Variants in JAK2 observed in about 807,000 individuals in gnomAD.
JAK2 encodes the protein Janus kinase 2.
In JAK2, 86 loss-of-function variants were observed where a neutral mutation model predicts 139.3. The observed-to-expected ratio is 0.62, with a 90% CI of 0.52 to 0.74. The LOEUF is 0.74. Ranked by LOEUF, JAK2 falls within the 30% of genes least tolerant of loss-of-function variation. JAK2 has a pLI of 0.00. For missense variants in JAK2, 1,421 were observed against 1,360.3 expected (o/e 1.04, Z -0.70); for synonymous variants, 490 against 437.7 (o/e 1.12, Z -1.49).
intron 2 of JAK2, among the ~76,000 whole-genome samples, chr9:4,990,509 C>T (rs980246394): frequency 5.9e-5 from 9 of 151,752 alleles, no homozygotes; most frequent in African/African-American, 1.9e-4. Context: ...AATTTGTTAG[C>T]GAAGTTAAGG....
intron 22 of JAK2, chr9:5,110,841 TG>T (rs544949515): frequency 3.9e-5 from 18 of 460,924 alleles, no homozygotes; most frequent in South Asian, 5.4e-5. Flanking sequence ...TCGGGGAAGG[TG>T]GGGGGGACGC....
chr9:5,087,129 G>T (rs890918340), intron 19 of JAK2, among the ~76,000 whole-genome samples: 2 of 152,132 alleles, frequency 1.3e-5, no homozygotes, highest in East Asian at 1.9e-4. Context: ...GTATTAGTCT[G>T]TTCTCACGCT....
intron 22 of JAK2, among the ~76,000 whole-genome samples, chr9:5,117,427 C>A (rs1216938371): frequency 6.6e-6 from 1 of 152,124 alleles, no homozygotes; most frequent in Admixed American, 6.5e-5. Flanking sequence ...AGTGTGGGGA[C>A]TTTAGGGTGT....
chr9:5,069,941 A>G lies in JAK2; in HGVS notation c.1530A>G (p.Leu510=), dbSNP rs370960892. ...TTTTTTCAGATAAATCAAACCTTCT[A>G]GTCTTCAGAACGAATGGTGTTTCTG... ...PPKPKDKSNL[L]VFRTNGVSDV... Residue 510 remains leucine (L), a synonymous_variant, in exon 12 of 25, where the codon CTA becomes CTG. Coordinates refer to ENST00000381652, the MANE Select transcript of JAK2 (RefSeq NM_004972.4). 8.1e-6 allele frequency: 13 copies of G among 1,599,854 alleles called. No individual in the cohort carries two copies. The South Asian group carries it at 1.5e-4, about 18-fold the overall frequency.
rs117289645 is a variant in JAK2, at chr9:5,125,438, C to T, written c.3178-895C>T. 5.2e-3 allele frequency among the ~76,000 whole-genome samples: 784 copies of T among 151,440 alleles called. 3 individuals carry two copies. The highest frequency in any genetic ancestry group is 9.1e-3 in the Non-Finnish European group (615 of 67,460). On this transcript the variant is annotated intron_variant, in intron 23 of 24. Transcript: ENST00000381652. ...TATGTCTGAACAATCATTTTCCATT[C>T]TTCAGTCTTTTAAGTAACACTTCAG...
At chr9:5,071,891 T>C (rs1035189681) in intron 12 of JAK2, among the ~76,000 whole-genome samples, 1 of 152,232 alleles carries the variant, frequency 6.6e-6, no homozygotes, top group South Asian at 2.1e-4. Context: ...TGTAAAGATA[T>C]GCAAGAAATA....
At chr9:4,990,580 A>G (rs1028111271) in intron 2 of JAK2, among the ~76,000 whole-genome samples, 25 of 152,020 alleles carry the variant, frequency 1.6e-4, no homozygotes, top group African/African-American at 5.8e-4. Flanking sequence ...GGTGGGTGAA[A>G]GGAGAGGAAT....
intron 4 of JAK2, among the ~76,000 whole-genome samples, chr9:5,036,830 A>T (rs1432239400): frequency 6.6e-6 from 1 of 152,344 alleles, no homozygotes; most frequent in East Asian, 1.9e-4. Flanking sequence ...AAACACCAAA[A>T]GCAATGGCAA....
At position 5,077,423 on chromosome 9, in the gene JAK2, C is replaced by T. The variant is rs1006039016; in HGVS notation, c.1865-30C>T. 8 of 815,544 alleles carry T rather than the reference C, an allele frequency of 9.8e-6. No homozygotes were observed. The African/African-American group carries it at 1.3e-4, about 13-fold the overall frequency. 50.5% of individuals were successfully genotyped at this position (815,544 alleles called of 1,614,324 possible). On this transcript the variant is annotated intron_variant, in intron 14 of 24. Coordinates refer to ENST00000381652, the MANE Select transcript of JAK2 (RefSeq NM_004972.4). ...TATTTAATTATATTTATACTTAAGC[C>T]TTATTATTATTACTTATATTTTAAT...
At chr9:5,024,446 A>T (rs1349610084) in intron 3 of JAK2, among the ~76,000 whole-genome samples, 3 of 152,080 alleles carry the variant, frequency 2.0e-5, no homozygotes, top group Non-Finnish European at 4.4e-5. Flanking sequence ...GTGTTTACCC[A>T]GTCCATTTAC....
intron 13 of JAK2, among the ~76,000 whole-genome samples, chr9:5,073,176 G>A (rs1819085938): frequency 6.6e-6 from 1 of 152,218 alleles, no homozygotes; most frequent in Non-Finnish European, 1.5e-5. Context: ...TTCTAATCCA[G>A]AATACCACAG....
chr9:5,099,902 T>C (rs973528359), intron 22 of JAK2: 1 of 152,182 alleles, frequency 6.6e-6, no homozygotes, highest in African/African-American at 2.4e-5. Context: ...GTAATTACAG[T>C]CTTCTGCTTT....
chr9:5,115,978 G>A (rs1823128929), intron 22 of JAK2, among the ~76,000 whole-genome samples: 1 of 151,932 alleles, frequency 6.6e-6, no homozygotes, highest in African/African-American at 2.4e-5. Context: ...GATGGGTGCA[G>A]CAAACCACCA....
In JAK2 at chr9:5,069,041, A is replaced by G. The variant is rs1818763104; in HGVS notation, c.1346A>G (p.Tyr449Cys). ...FAVERENVIEYKHCLITKNEN... is the reference protein window; with the variant it reads ...FAVERENVIECKHCLITKNEN... ...ATACAGCGAGAAAATGTCATTGAATATAAACACTGTTTGATTACAAAAAAT... is the reference window on the plus strand; with the variant it reads ...ATACAGCGAGAAAATGTCATTGAATGTAAACACTGTTTGATTACAAAAAAT... The change falls in exon 11 of 25, where the codon TAT becomes TGT. Residue 449 changes from tyrosine to cysteine, a missense_variant. By Grantham distance (194) the Tyr-to-Cys change is radical. Transcript: ENST00000381652. The G allele has an allele frequency of 6.3e-7, 1 of 1,594,908 alleles. No individual in the cohort carries two copies. The highest frequency in any genetic ancestry group is 8.5e-7 in the Non-Finnish European group (1 of 1,169,662).
At chr9:5,059,348 A>G (rs1045445648) in intron 8 of JAK2, among the ~76,000 whole-genome samples, 2 of 152,144 alleles carry the variant, frequency 1.3e-5, no homozygotes, top group East Asian at 3.8e-4. Flanking sequence ...AGATTCTTTT[A>G]GTTAGTATAA....
intron 7 of JAK2, among the ~76,000 whole-genome samples, chr9:5,055,224 TATTA>T (rs892790427): frequency 1.3e-5 from 2 of 152,074 alleles, no homozygotes; most frequent in Non-Finnish European, 2.9e-5. Flanking sequence ...AAAAGATTGA[TATTA>T]ATTGATTTTA....
intron 22 of JAK2, chr9:5,110,763 C>G (rs909420284): frequency 4.1e-5 from 16 of 385,604 alleles, no homozygotes; most frequent in African/African-American, 3.1e-4. Context: ...TGCGGACTGG[C>G]CATGCAGGAG....
chr9:5,100,301 C>T (rs1238210414), intron 22 of JAK2: 2 of 152,218 alleles, frequency 1.3e-5, no homozygotes, highest in African/African-American at 4.8e-5. Context: ...CAGAAGCTCT[C>T]TCAGCTCTAC....
At chr9:5,009,194 C>T (rs925359116) in intron 2 of JAK2, among the ~76,000 whole-genome samples, 2 of 152,182 alleles carry the variant, frequency 1.3e-5, no homozygotes, top group Non-Finnish European at 2.9e-5. Flanking sequence ...GTCCGAGGCT[C>T]AGACATCAGC....
Sources: allele counts gnomAD v4.1 joint callset (sites outside exome capture counted in the v4.1 genomes callset), GRCh38; gene constraint gnomAD v4.1.1; transcripts MANE v1.5; gene names NCBI Gene and HGNC (gene_info 2026-07-23, HGNC 2026-07-21).